The following CNBD1 variants were observed in gnomAD, a reference collection of about 807,000 sequenced individuals.
CNBD1 encodes the protein cyclic nucleotide binding domain containing 1.
CNBD1 carries 71 observed loss-of-function variants against 54.4 expected under a neutral mutation model. The ratio of observed to expected loss-of-function variants is 1.30; its 90% confidence interval spans 1.08 to 1.59. The LOEUF (loss-of-function observed/expected upper bound fraction) is 1.59. CNBD1 is among the 40% of genes most tolerant of loss of function. The pLI is 0.00. For synonymous variants in CNBD1, 182 were observed against 170.7 expected, an observed-to-expected ratio of 1.07 and a Z score of -0.51; for missense variants, 659 against 518.0, an observed-to-expected ratio of 1.27 and a Z score of -2.64.
intron 4 of CNBD1, among the ~76,000 whole-genome samples, chr8:87,054,269 GT>G (rs1329846976): frequency 6.6e-6 from 1 of 152,200 alleles, no homozygotes; most frequent in African/African-American, 2.4e-5. Flanking sequence ...AGAAAGGGAA[GT>G]TTGGGGCTGT....
At chr8:87,119,382 A>G (rs934507941) in intron 4 of CNBD1, among the ~76,000 whole-genome samples, 3 of 151,122 alleles carry the variant, frequency 2.0e-5, no homozygotes, top group Admixed American at 6.6e-5. Flanking sequence ...TCTTGTCTAG[A>G]TAATTATTGG....
rs564098514 is a variant in CNBD1, at chr8:87,389,066, T to A, written c.213+35280T>A. Among the ~76,000 whole-genome samples the A allele has an allele frequency of 1.2e-4, 18 of 152,160 alleles. 1 individual carries two copies. The South Asian group carries it at 3.7e-3, about 32-fold the overall frequency. On this transcript the variant is annotated intron_variant, in intron 2 of 7. Coordinates refer to the CNBD1 transcript ENST00000521593. ...AACTCAAGAGCCCTTGATGCTAAAA[T>A]CTCTCAATAAATTAGGTATTGATGG...
At chr8:87,295,218 A>G (rs950643664) in intron 8 of CNBD1, among the ~76,000 whole-genome samples, 1 of 151,840 alleles carries the variant, frequency 6.6e-6, no homozygotes, top group Non-Finnish European at 1.5e-5. Context: ...TTATAGTATA[A>G]CAATGCACTA....
chr8:87,082,537 G>C (rs7813104), intron 4 of CNBD1, among the ~76,000 whole-genome samples: 88,059 of 151,988 alleles, frequency 0.58, 26,262 homozygotes, highest in African/African-American at 0.71. Context: ...ACATCTGCCC[G>C]AGCTTGCTTT....
chr8:87,140,449 A>G (rs1812349163), intron 4 of CNBD1, among the ~76,000 whole-genome samples: 2 of 152,154 alleles, frequency 1.3e-5, no homozygotes, highest in Admixed American at 1.3e-4. Context: ...CTTTTTTCTT[A>G]CTAATTGCTG....
chr8:87,341,724 C>G (rs192871175), intron 8 of CNBD1, among the ~76,000 whole-genome samples: 1 of 152,292 alleles, frequency 6.6e-6, no homozygotes, highest in African/African-American at 2.4e-5. Context: ...GTTTCCTGTC[C>G]TCTGGAGGAT....
chr8:87,081,015 A>G (rs1441144315), intron 4 of CNBD1, among the ~76,000 whole-genome samples: 1 of 150,974 alleles, frequency 6.6e-6, no homozygotes. Flanking sequence ...TCTCTTTTCA[A>G]TTACATTTAT....
chr8:87,191,134 C>T (rs1021874110), intron 4 of CNBD1, among the ~76,000 whole-genome samples: 1 of 151,738 alleles, frequency 6.6e-6, no homozygotes, highest in Non-Finnish European at 1.5e-5. Context: ...CTGAAAACCT[C>T]AAAACCAGGA....
chr8:86,908,036 C>A (rs910803571), intron 3 of CNBD1, among the ~76,000 whole-genome samples: 10 of 152,146 alleles, frequency 6.6e-5, no homozygotes, highest in Admixed American at 1.3e-4. Flanking sequence ...AAGTAAGGCA[C>A]CTGCCTGGTT....
intron 2 of CNBD1, among the ~76,000 whole-genome samples, chr8:87,394,330 G>A (rs548210737): frequency 6.6e-6 from 1 of 152,014 alleles, no homozygotes; most frequent in East Asian, 1.9e-4. Flanking sequence ...ATAAAAAGAA[G>A]CAGAATAGTT....
At chr8:87,141,050 C>T (rs897823994) in intron 4 of CNBD1, among the ~76,000 whole-genome samples, 10 of 152,066 alleles carry the variant, frequency 6.6e-5, no homozygotes, top group African/African-American at 9.7e-5. Context: ...ATTCTGTCAA[C>T]GTTGTTAATT....
At chr8:87,180,570 C>T (rs1254242604) in intron 4 of CNBD1, among the ~76,000 whole-genome samples, 1 of 151,822 alleles carries the variant, frequency 6.6e-6, no homozygotes, top group Admixed American at 6.6e-5. Context: ...GTGGTGTGAG[C>T]CTGAAATTTA....
intron 4 of CNBD1, among the ~76,000 whole-genome samples, chr8:87,082,912 T>G (rs1383453813): frequency 6.6e-6 from 1 of 152,206 alleles, no homozygotes; most frequent in African/African-American, 2.4e-5. Context: ...TTACAAAAAC[T>G]TTTTAGTGGC....
At chr8:86,981,155 T>TTGTG (rs34881466) in intron 4 of CNBD1, among the ~76,000 whole-genome samples, 4 of 152,064 alleles carry the variant, frequency 2.6e-5, no homozygotes, top group African/African-American at 7.2e-5. Flanking sequence ...GCATTATTCT[T>TTGTG]TGTGTGTGTG....
At chr8:87,147,020 C>G (rs1388602720) in intron 4 of CNBD1, among the ~76,000 whole-genome samples, 1 of 152,050 alleles carries the variant, frequency 6.6e-6, no homozygotes, top group Non-Finnish European at 1.5e-5. Context: ...AAAATCCTCC[C>G]TTCCATACCA....
At chr8:86,887,297 C>T (rs1253919695) in intron 1 of CNBD1, among the ~76,000 whole-genome samples, 1 of 152,088 alleles carries the variant, frequency 6.6e-6, no homozygotes, top group Admixed American at 6.6e-5. Flanking sequence ...CAAACTTCAG[C>T]ATTTACTGGA....
chr8:87,363,048 C>G (rs1232334900), intron 10 of CNBD1, among the ~76,000 whole-genome samples: 2 of 151,984 alleles, frequency 1.3e-5, no homozygotes, highest in African/African-American at 4.8e-5. Context: ...GTTCCCCTCC[C>G]TGTGTCCATG....
chr8:86,929,969 G>T (rs1809428900), intron 3 of CNBD1, among the ~76,000 whole-genome samples: 1 of 152,192 alleles, frequency 6.6e-6, no homozygotes. Flanking sequence ...ATAAAGAGAA[G>T]TTTTGTCCTG....
chr8:87,093,696 T>C (rs1231777585), intron 4 of CNBD1, among the ~76,000 whole-genome samples: 4 of 152,322 alleles, frequency 2.6e-5, no homozygotes, highest in East Asian at 3.9e-4. Flanking sequence ...TATTTTCACC[T>C]GATTCAGTTC....
Sources: gnomAD v4.1 joint callset for allele counts (sites outside exome capture counted in the v4.1 genomes callset) on GRCh38, gnomAD v4.1.1 for gene constraint, MANE v1.5 for transcripts, NCBI Gene and HGNC (gene_info 2026-07-23, HGNC 2026-07-21) for gene names.